The following NETO1 variants were observed in gnomAD, a reference collection of about 807,000 sequenced individuals.
NETO1 encodes the protein neuropilin and tolloid-like protein 1.
A neutral mutation model predicts 61.3 loss-of-function variants in NETO1; 26 were observed. The ratio of observed to expected loss-of-function variants is 0.42; its 90% confidence interval spans 0.31 to 0.59. NETO1 has a LOEUF of 0.59. Among genes scored for constraint, NETO1 ranks in the 20% least tolerant of loss-of-function variants. The pLI, the probability that NETO1 is intolerant of heterozygous loss-of-function variation, is 0.12. For synonymous variants in NETO1, 225 were observed against 225.8 expected (o/e 1.00, Z 0.03); for missense variants, 531 against 662.8 (o/e 0.80, Z 2.18).
chr18:72,828,276 A>C (rs1187211015), intron 4 of NETO1, among the ~76,000 whole-genome samples: 2 of 152,062 alleles, frequency 1.3e-5, no homozygotes, highest in East Asian at 3.9e-4. Flanking sequence ...GCACCATTGC[A>C]CTCCATCCTG....
rs2073533859 is a variant in NETO1 at position 72,830,320 on chromosome 18, TCAGCACCCTGGA to T, written c.469+28494_469+28505del. Among the ~76,000 whole-genome samples the T allele has an allele frequency of 6.6e-6, 1 of 151,882 alleles. No individual in the cohort carries two copies. Among genetic ancestry groups the T allele is most frequent in the African/African-American group, 2.4e-5 (1 of 41,328 alleles). ...GGCTGTTGAGGCTGCAGCCACACAC[TCAGCACCCTGGA>T]CAGCGTCCAAACCCCAGAAACGGGT... is the stretch of plus-strand genomic sequence containing the variant. On this transcript the variant is annotated intron_variant, in intron 4 of 10. Transcript: ENST00000327305. This position sits in a 1 kb window ranked among gnomAD's most constrained non-coding sequence, Gnocchi z 4.9.
At chr18:72,794,571 T>C (rs1169211221) in intron 4 of NETO1, among the ~76,000 whole-genome samples, 167 bp from the exon 5 acceptor site, 1 of 152,160 alleles carries the variant, frequency 6.6e-6, no homozygotes, top group Non-Finnish European at 1.5e-5. Flanking sequence ...AAGTGCATAA[T>C]GATGTTGGGA....
chr18:72,750,210 G>A lies in NETO1; in HGVS notation c.1393C>T (p.Pro465Ser). ...LTEMPTQPGK[P>S]LIPPMNRRNI... is the part of the protein sequence containing the mutation. ...CTTCTGTTCATGGGTGGGATGAGGG[G>A]TTTTCCTGGCTGTGTGGGCATCTCT... Residue 465 changes from proline to serine, a missense_variant, in exon 9 of 11, where the codon CCC becomes TCC. Pro to Ser is a moderately conservative substitution (Grantham distance 74, BLOSUM62 -1). Coordinates refer to ENST00000327305, the MANE Select transcript of NETO1 (RefSeq NM_138966.5). The A allele has an allele frequency of 6.2e-7, 1 of 1,614,058 alleles. No homozygotes were observed. The highest frequency in any genetic ancestry group is 8.5e-7 in the Non-Finnish European group (1 of 1,179,984).
At chr18:72,795,250 C>A (rs1238041984) in intron 4 of NETO1, among the ~76,000 whole-genome samples, 1 of 152,182 alleles carries the variant, frequency 6.6e-6, no homozygotes, top group Admixed American at 6.5e-5. Context: ...TTTTAGAGAG[C>A]TTCTGAGAAA....
At chr18:72,865,434 G>A in intron 1 of NETO1, 193 bp from the exon 2 acceptor site, 1 of 1,171,178 alleles carries the variant, frequency 8.5e-7, no homozygotes, top group Non-Finnish European at 1.2e-6. Context: ...ACTCCCTTAA[G>A]GAACTAATGC....
chr18:72,852,393 T>G (rs530156492), intron 4 of NETO1, among the ~76,000 whole-genome samples: 1 of 152,250 alleles, frequency 6.6e-6, no homozygotes, highest in South Asian at 2.1e-4. Context: ...TTTTCTGTAT[T>G]TTTAGTAGAG....
At chr18:72,776,980 A>G (rs1364432399) in intron 7 of NETO1, among the ~76,000 whole-genome samples, 1 of 152,250 alleles carries the variant, frequency 6.6e-6, no homozygotes, top group Non-Finnish European at 1.5e-5. Context: ...AATCGTTCTT[A>G]CGCTGTAAAT....
intron 4 of NETO1, among the ~76,000 whole-genome samples, chr18:72,801,092 C>A (rs1449609517): frequency 6.6e-6 from 1 of 152,188 alleles, no homozygotes; most frequent in Non-Finnish European, 1.5e-5. Flanking sequence ...TTTTTACTCG[C>A]AGGCTGGGTG....
At chr18:72,748,959 T>C in intron 10 of NETO1, 55 bp downstream of exon 10, 1 of 1,081,162 alleles carries the variant, frequency 9.2e-7, no homozygotes, top group East Asian at 2.4e-5. Flanking sequence ...ACAAGACAGT[T>C]GCAACAAAAC....
chr18:72,783,062 A>T (rs2145227349), intron 7 of NETO1, among the ~76,000 whole-genome samples: 1 of 152,348 alleles, frequency 6.6e-6, no homozygotes, highest in South Asian at 2.1e-4. Flanking sequence ...AGGGTTTCTA[A>T]CAAATATTCA....
intron 4 of NETO1, among the ~76,000 whole-genome samples, chr18:72,813,339 G>T (rs1021920648): frequency 6.6e-6 from 1 of 152,138 alleles, no homozygotes; most frequent in African/African-American, 2.4e-5. Context: ...CTTTCTGCAG[G>T]AATATAACTT....
chr18:72,828,564 T>C (rs2073468653), intron 4 of NETO1, among the ~76,000 whole-genome samples: 1 of 152,232 alleles, frequency 6.6e-6, no homozygotes, highest in African/African-American at 2.4e-5. Flanking sequence ...AAGTTGGCAA[T>C]ATTTAAAGAA....
rs1027424006 is a variant in NETO1 at position 72,774,993 on chromosome 18, A to G, written c.868+8685T>C. On this transcript the variant is annotated intron_variant, in intron 7 of 10. Coordinates refer to ENST00000327305, the MANE Select transcript of NETO1 (RefSeq NM_138966.5). ...GTTTCAAAATTGCTTTATAGGATGAAGTCTGTATATTATTTTTCTGAAGCA... is the reference window on the plus strand; with the variant it reads ...GTTTCAAAATTGCTTTATAGGATGAGGTCTGTATATTATTTTTCTGAAGCA... 2.0e-5 allele frequency among the ~76,000 whole-genome samples: 3 copies of G among 152,138 alleles called. No individual in the cohort carries two copies. In the South Asian group the frequency reaches 6.2e-4, roughly 32 times the overall value.
At chr18:72,748,836 C>A (rs1455910902) in intron 10 of NETO1, among the ~76,000 whole-genome samples, 178 bp downstream of exon 10, 1 of 151,968 alleles carries the variant, frequency 6.6e-6, no homozygotes, top group Non-Finnish European at 1.5e-5. Flanking sequence ...AGGTATGTAT[C>A]CCGAGAATCA....
intron 4 of NETO1, among the ~76,000 whole-genome samples, chr18:72,795,309 T>C (rs1040398623): frequency 2.0e-5 from 3 of 152,220 alleles, no homozygotes; most frequent in African/African-American, 7.2e-5. Flanking sequence ...CTGGCTCTCA[T>C]TGCAGTCATG....
intron 4 of NETO1, among the ~76,000 whole-genome samples, chr18:72,841,494 A>G (rs1468244231): frequency 6.6e-6 from 1 of 152,026 alleles, no homozygotes; most frequent in African/African-American, 2.4e-5. Flanking sequence ...ACACTTTGGG[A>G]GGCTGAGGCG....
At chr18:72,823,021 T>A (rs1012543744) in intron 4 of NETO1, among the ~76,000 whole-genome samples, 4 of 152,222 alleles carry the variant, frequency 2.6e-5, no homozygotes, top group Admixed American at 2.6e-4. Flanking sequence ...CAAGCATCTC[T>A]GTATGTTTTG....
intron 3 of NETO1, among the ~76,000 whole-genome samples, chr18:72,862,795 TA>T (rs2074618780): frequency 1.3e-5 from 2 of 151,916 alleles, no homozygotes; most frequent in African/African-American, 4.8e-5. Context: ...TCATTTTTCG[TA>T]TTTTTAGTAG....
chr18:72,862,797 T>C (rs1012155190), intron 3 of NETO1, among the ~76,000 whole-genome samples: 2 of 151,962 alleles, frequency 1.3e-5, no homozygotes, highest in Non-Finnish European at 2.9e-5. Context: ...ATTTTTCGTA[T>C]TTTTAGTAGA....
Sources: gnomAD v4.1 joint callset for allele counts (sites outside exome capture counted in the v4.1 genomes callset) on GRCh38, gnomAD v4.1.1 for gene constraint, Gnocchi (gnomAD v3.1) non-coding constraint, MANE v1.5 for transcripts, NCBI Gene and HGNC (gene_info 2026-07-23, HGNC 2026-07-21) for gene names.